AP3B1: variants seen among roughly 807,000 people sequenced by gnomAD.
The protein encoded by AP3B1 is AP-3 complex subunit beta-1.
AP3B1 carries 61 observed loss-of-function variants against 132.5 expected under a neutral mutation model. The ratio of observed to expected loss-of-function variants is 0.46; its 90% CI spans 0.37 to 0.57. The LOEUF is 0.57. Ranked by LOEUF, AP3B1 falls within the 20% of genes least tolerant of loss-of-function variation. AP3B1 has a pLI of 0.00. For synonymous variants in AP3B1, 388 were observed against 438.3 expected (o/e 0.89, Z 1.43); for missense variants, 1,120 against 1,289.4 (o/e 0.87, Z 2.01).
chr5:78,073,697 A>G (rs573784236), intron 22 of AP3B1, among the ~76,000 whole-genome samples: 1 of 152,192 alleles, frequency 6.6e-6, no homozygotes, highest in African/African-American at 2.4e-5. Context: ...ATTATATTTT[A>G]AAAATCATCT....
chr5:78,017,046 T>C lies in AP3B1; in HGVS notation c.2993-1498A>G, dbSNP rs567999364. Among the ~76,000 whole-genome samples, 23 of 152,228 alleles carry C rather than the reference T, an allele frequency of 1.5e-4. No homozygotes were observed. The South Asian group carries it at 1.7e-3, about 11-fold the overall frequency. Reference sequence around the variant, plus strand: ...GAAATGTTGTACAAAGCCAGTACTTTTGTCAAGCTCCTGTAAATGGAAAGA... The same window carrying C: ...GAAATGTTGTACAAAGCCAGTACTTCTGTCAAGCTCCTGTAAATGGAAAGA... On this transcript the variant is annotated intron_variant, in intron 25 of 26. Transcript: ENST00000255194.
At chr5:78,151,370 T>C (rs566568517) in intron 14 of AP3B1, among the ~76,000 whole-genome samples, 10 of 152,336 alleles carry the variant, frequency 6.6e-5, no homozygotes, top group African/African-American at 2.4e-4. Context: ...CTTTCTCTTG[T>C]CTGAACGCTT....
intron 20 of AP3B1, among the ~76,000 whole-genome samples, chr5:78,104,486 CAT>C (rs748013864): frequency 2.1e-4 from 32 of 152,022 alleles, no homozygotes; most frequent in Admixed American, 9.2e-4. Flanking sequence ...TCAGGAAAGA[CAT>C]AAACTGAGAG....
chr5:78,205,034 T>A (rs79966892), intron 7 of AP3B1, among the ~76,000 whole-genome samples: 217 of 152,274 alleles, frequency 1.4e-3, no homozygotes, highest in African/African-American at 4.8e-3. Context: ...TAAAATAAAA[T>A]GTTGGGGAAA....
chr5:78,120,103 G>A (rs1487835809), intron 17 of AP3B1, among the ~76,000 whole-genome samples: 3 of 152,122 alleles, frequency 2.0e-5, no homozygotes, highest in Non-Finnish European at 2.9e-5. Flanking sequence ...CTTCCTAAGT[G>A]AAGGAGAAAT....
At chr5:78,163,010 C>A (rs1042372206) in intron 12 of AP3B1, 59 bp from the exon 13 acceptor site, 1 of 1,509,840 alleles carries the variant, frequency 6.6e-7, no homozygotes, top group Admixed American at 1.7e-5. Context: ...ACCAAAACTC[C>A]GATTATATTA....
chr5:78,073,415 G>T (rs1749628556), intron 22 of AP3B1, among the ~76,000 whole-genome samples: 2 of 152,064 alleles, frequency 1.3e-5, no homozygotes, highest in Non-Finnish European at 2.9e-5. Flanking sequence ...CATAATCTAA[G>T]ATACCATAAT....
intron 2 of AP3B1, among the ~76,000 whole-genome samples, chr5:78,243,086 A>G (rs1747212700): frequency 6.6e-6 from 1 of 152,204 alleles, no homozygotes; most frequent in African/African-American, 2.4e-5. Context: ...AATACAAGCT[A>G]GTCTTTTTAT....
chr5:78,046,129 A>G (rs535696531), intron 22 of AP3B1, among the ~76,000 whole-genome samples: 2 of 152,312 alleles, frequency 1.3e-5, no homozygotes, highest in Admixed American at 1.3e-4. Context: ...GTTGGAAACA[A>G]TTCTCTACAG....
chr5:78,289,199 A>G (rs1749407088), intron 1 of AP3B1, among the ~76,000 whole-genome samples: 1 of 152,214 alleles, frequency 6.6e-6, no homozygotes, highest in Non-Finnish European at 1.5e-5. Context: ...AAAGTAGTGG[A>G]GATAAAGTCA....
rs1418999035 is a variant in AP3B1, at chr5:78,277,094, C to T, written c.129-9499G>A. The stretch of plus-strand genomic sequence containing the variant: ...AGTATATTATTAACTTATTTAGCTA[C>T]CTGGTATTATTTTCTGAAGCTTGTA... On this transcript the variant is annotated intron_variant, in intron 1 of 26. Coordinates refer to ENST00000255194, the MANE Select transcript of AP3B1 (RefSeq NM_003664.5). Among the ~76,000 whole-genome samples the T allele has an allele frequency of 2.6e-5, 4 of 152,074 alleles. No individual in the cohort carries two copies. The East Asian group carries it at 7.7e-4, about 29-fold the overall frequency.
chr5:78,137,609 G>A (rs1334927306), intron 15 of AP3B1, among the ~76,000 whole-genome samples: 2 of 152,228 alleles, frequency 1.3e-5, no homozygotes, highest in East Asian at 1.9e-4. Flanking sequence ...TTCTAAGTAT[G>A]AATTTCCCTC....
At chr5:78,278,853 G>T (rs1748915019) in intron 1 of AP3B1, among the ~76,000 whole-genome samples, 1 of 152,024 alleles carries the variant, frequency 6.6e-6, no homozygotes, top group African/African-American at 2.4e-5. Flanking sequence ...TGTAAACTGT[G>T]CATGCGAGGG....
intron 15 of AP3B1, among the ~76,000 whole-genome samples, chr5:78,134,777 A>G (rs1339137291): frequency 3.9e-5 from 6 of 152,174 alleles, no homozygotes; most frequent in Non-Finnish European, 8.8e-5. Context: ...TCCTGACCTC[A>G]GGTGATCTGC....
intron 22 of AP3B1, among the ~76,000 whole-genome samples, chr5:78,072,414 A>G (rs922969742): frequency 6.6e-6 from 1 of 152,186 alleles, no homozygotes; most frequent in African/African-American, 2.4e-5. Flanking sequence ...AGATAATCAC[A>G]ATTCAAGCAA....
intron 3 of AP3B1, among the ~76,000 whole-genome samples, chr5:78,233,107 G>T (rs571423164): frequency 2.9e-4 from 44 of 152,186 alleles, no homozygotes; most frequent in Non-Finnish European, 4.0e-4. Context: ...TCCATATTTA[G>T]AAATTCTCAA....
At chr5:78,260,789 C>A (rs1166501355) in intron 2 of AP3B1, among the ~76,000 whole-genome samples, 2 of 152,164 alleles carry the variant, frequency 1.3e-5, no homozygotes, top group Non-Finnish European at 2.9e-5. Context: ...TAGCTGCTGG[C>A]AACCACCATT....
intron 7 of AP3B1, among the ~76,000 whole-genome samples, chr5:78,210,946 A>G (rs10076277): frequency 0.3 from 45,245 of 151,992 alleles, 6,942 homozygotes; most frequent in Middle Eastern, 0.35. Flanking sequence ...AAATACTTAA[A>G]CAATTTTATA....
intron 8 of AP3B1, among the ~76,000 whole-genome samples, chr5:78,179,098 A>T (rs1038006801): frequency 2.0e-5 from 3 of 152,188 alleles, no homozygotes; most frequent in Admixed American, 1.3e-4. Context: ...AACTCTCCTG[A>T]ATTTTAAATC....
Sources: allele counts gnomAD v4.1 joint callset (sites outside exome capture counted in the v4.1 genomes callset), GRCh38; gene constraint gnomAD v4.1.1; transcripts MANE v1.5; gene names NCBI Gene and HGNC (gene_info 2026-07-23, HGNC 2026-07-21).